Variants in ARHGAP29 observed in about 807,000 individuals in gnomAD.
The protein encoded by ARHGAP29 is Rho GTPase activating protein 29, also known as rho GTPase-activating protein 29.
A neutral mutation model predicts 122.6 loss-of-function variants in ARHGAP29; 43 were observed. The observed-to-expected ratio is 0.35, with a 90% CI of 0.27 to 0.45. The LOEUF is 0.45. ARHGAP29 is among the 20% of genes least tolerant of loss of function. The pLI, the probability that ARHGAP29 is intolerant of heterozygous loss-of-function variation, is 1.00. For synonymous variants in ARHGAP29, 506 were observed against 497.1 expected (o/e 1.02, Z -0.24); for missense variants, 1,303 against 1,477.2 (o/e 0.88, Z 1.93).
intron 3 of ARHGAP29, among the ~76,000 whole-genome samples, chr1:94,218,891 C>T (rs1652113418): frequency 6.6e-6 from 1 of 152,090 alleles, no homozygotes; most frequent in South Asian, 2.1e-4. Context: ...TGCCCTTTAG[C>T]CTCTCCAAAT....
intron 15 of ARHGAP29, 43 bp downstream of exon 15, chr1:94,188,794 T>A: frequency 6.7e-7 from 1 of 1,486,978 alleles, no homozygotes; most frequent in Non-Finnish European, 9.3e-7. Context: ...AAAGGACTGA[T>A]CTTTCAATGA....
rs181534863 is a variant in ARHGAP29 at position 94,229,281 on chromosome 1, C to T, written c.205+2126G>A. On this transcript the variant is annotated intron_variant, in intron 2 of 22. Transcript: ENST00000260526. ...TAGTTAGAGCATTTTAAACATTTTA[C>T]CTTTCCTAAAGATTACATCTCATGA... Among the ~76,000 whole-genome samples the T allele has an allele frequency of 4.6e-5, 7 of 151,838 alleles. No individual in the cohort carries two copies. In the East Asian group the frequency reaches 1.3e-3, roughly 29 times the overall value.
chr1:94,267,273 G>A (rs1021853784), intron 1 of ARHGAP29, among the ~76,000 whole-genome samples: 2 of 152,160 alleles, frequency 1.3e-5, no homozygotes, highest in African/African-American at 4.8e-5. Context: ...GTCATTGCTG[G>A]TGTGTTCTCA....
the ARHGAP29 span, among the ~76,000 whole-genome samples, chr1:94,294,611 C>T: frequency 5.3e-5 from 8 of 152,114 alleles, no homozygotes; most frequent in Non-Finnish European, 1.2e-4. Context: ...TACTTTAGAA[C>T]TTTGGAGCAA....
chr1:94,225,394 A>G (rs1052550741), intron 2 of ARHGAP29, among the ~76,000 whole-genome samples: 3 of 152,114 alleles, frequency 2.0e-5, no homozygotes, highest in Admixed American at 2.0e-4. Flanking sequence ...TGAATATCAA[A>G]TAAGTAGAAA....
At chr1:94,262,391 G>A (rs1654594138) in intron 1 of ARHGAP29, among the ~76,000 whole-genome samples, 1 of 151,986 alleles carries the variant, frequency 6.6e-6, no homozygotes, top group South Asian at 2.1e-4. Flanking sequence ...TGCAACGAAA[G>A]CAAAACTTGA....
rs1449017107 is a variant in ARHGAP29, at chr1:94,208,914, G to A, written c.438-10C>T. ...AAGGAAGTTTGTAAGGCTATCCAAG[G>A]AGGTTAAAAAAAGAAAGACAAGTCA... On this transcript the variant is annotated splice_polypyrimidine_tract_variant and intron_variant, in intron 4 of 22. Coordinates refer to ENST00000260526, the MANE Select transcript of ARHGAP29 (RefSeq NM_004815.4). 6.2e-7 allele frequency: 1 copy of A among 1,611,424 alleles called. No individual in the cohort carries two copies. Among genetic ancestry groups the A allele is most frequent in the Non-Finnish European group, 8.5e-7 (1 of 1,178,086 alleles).
In ARHGAP29 at chr1:94,236,074, T is replaced by G. The variant is rs377680066; in HGVS notation, c.-33+1341A>C. On this transcript the variant is annotated intron_variant, in intron 1 of 22. Transcript: ENST00000260526. ...CACAATTTCAGATTTGGCAAGAATC[T>G]ACTTTGAGATGCTAAAAAGATTAGA... Among the ~76,000 whole-genome samples, 15 of 152,378 alleles carry G rather than the reference T, an allele frequency of 9.8e-5. No homozygotes were observed. The East Asian group carries it at 2.7e-3, about 27-fold the overall frequency.
chr1:94,196,185 T>C (rs113904382), intron 12 of ARHGAP29, among the ~76,000 whole-genome samples: 28 of 151,648 alleles, frequency 1.8e-4, no homozygotes, highest in African/African-American at 6.8e-4. Context: ...GCTTTTCAAG[T>C]GTACATGTGG....
intron 1 of ARHGAP29, among the ~76,000 whole-genome samples, chr1:94,234,036 T>C (rs188086052): frequency 6.3e-4 from 96 of 152,344 alleles, no homozygotes; most frequent in Non-Finnish European, 1.1e-3. Context: ...GAAACGTTCC[T>C]GGACCATCCC....
chr1:94,186,719 C>T (rs964443437), intron 15 of ARHGAP29, 122 bp from the exon 16 acceptor site: 10 of 716,242 alleles, frequency 1.4e-5, no homozygotes, highest in Non-Finnish European at 1.6e-5. Flanking sequence ...TAAAAATTTG[C>T]TTCTATTCTC....
At chr1:94,276,452 A>G (rs184221897), upstream of ARHGAP29, among the ~76,000 whole-genome samples, 43 of 149,496 alleles carry the variant, frequency 2.9e-4, no homozygotes, top group East Asian at 8.0e-3. Context: ...TTTTTTTTTT[A>G]AAGATAGAAG....
chr1:94,310,615 C>T, the ARHGAP29 span, among the ~76,000 whole-genome samples: 5 of 152,252 alleles, frequency 3.3e-5, no homozygotes, highest in Non-Finnish European at 7.3e-5. Context: ...GTCAACCGCT[C>T]TTTGACCTCA....
the ARHGAP29 span, among the ~76,000 whole-genome samples, chr1:94,285,873 CAAAAAAAAAAAAA>C: frequency 3.6e-4 from 26 of 72,632 alleles, no homozygotes; most frequent in Middle Eastern, 7.2e-3. Context: ...GACTCTGTCT[CAAAAAAAAAAAAA>C]AAAAGAAAAA....
chr1:94,203,981 A>G lies in ARHGAP29; in HGVS notation c.711T>C (p.Thr237=), dbSNP rs146341259. 3.7e-6 allele frequency: 6 copies of G among 1,613,708 alleles called. No individual in the cohort carries two copies. In the African/African-American group the frequency reaches 8.0e-5, roughly 22 times the overall value. The change falls in exon 8 of 23, where the codon ACT becomes ACC. Residue 237 remains threonine (T), a synonymous_variant. Coordinates refer to ENST00000260526, the MANE Select transcript of ARHGAP29 (RefSeq NM_004815.4). The part of the protein sequence containing the change: ...EKKLNLELES[T]RNMVKLAEAT... ...CCTCTGCCAACTTGACCATATTTCT[A>G]GTGGACTCCAATTCTGAAAAGTTCA...
At chr1:94,296,697 C>T in the ARHGAP29 span, among the ~76,000 whole-genome samples, 2 of 152,098 alleles carry the variant, frequency 1.3e-5, no homozygotes, top group African/African-American at 4.8e-5. Flanking sequence ...ACTTTGGCCT[C>T]CCCCAACACA....
the ARHGAP29 span, among the ~76,000 whole-genome samples, chr1:94,294,414 C>T: frequency 6.6e-6 from 1 of 152,104 alleles, no homozygotes; most frequent in Non-Finnish European, 1.5e-5. Flanking sequence ...AGTGAAGTAG[C>T]TGGGACTACA....
Position 94,203,081 on chromosome 1 carries a change from C to G in ARHGAP29, c.873+19G>C, listed in dbSNP as rs1207182105. 3.1e-6 allele frequency: 5 copies of G among 1,600,882 alleles called. No homozygotes were observed. In the Admixed American group the frequency reaches 6.9e-5, roughly 22 times the overall value. The stretch of plus-strand genomic sequence containing the variant: ...TGCTTAAAAATAAAAGTGCATTATA[C>G]ATATAAATTAATCTTTACCTGCACA... On this transcript the variant is annotated intron_variant, in intron 9 of 22. Coordinates refer to ENST00000260526, the MANE Select transcript of ARHGAP29 (RefSeq NM_004815.4).
chr1:94,265,938 G>GC (rs1305433889), intron 1 of ARHGAP29, among the ~76,000 whole-genome samples: 5 of 152,170 alleles, frequency 3.3e-5, no homozygotes, highest in Admixed American at 3.3e-4. Context: ...AGTGTCTGGT[G>GC]CCCCTCCACT....
Sources: allele counts gnomAD v4.1 joint callset (sites outside exome capture counted in the v4.1 genomes callset), GRCh38; gene constraint gnomAD v4.1.1; transcripts MANE v1.5; gene names NCBI Gene and HGNC (gene_info 2026-07-23, HGNC 2026-07-21).